The following GREB1L variants were observed in gnomAD, a reference collection of about 807,000 sequenced individuals.
GREB1L encodes GREB1 like retinoic acid receptor coactivator.
In GREB1L, 17 loss-of-function variants were observed where a neutral mutation model predicts 200.8. That is an observed-to-expected ratio of 0.08 (90% CI 0.06 to 0.13). GREB1L has a LOEUF of 0.13. Ranked by LOEUF, GREB1L falls within the 10% of genes least tolerant of loss-of-function variation. The probability of loss-of-function intolerance (pLI) is 1.00; values close to 1 mark genes in which losing one functional copy is unlikely to be tolerated. For missense variants in GREB1L, 1,657 were observed against 2,367.7 expected (o/e 0.70, Z 6.23); for synonymous variants, 789 against 893.0 (o/e 0.88, Z 2.08).
rs1460121845 is a variant in GREB1L, at chr18:21,344,350, G to A, written c.-119-21677G>A. Among the ~76,000 whole-genome samples the A allele has an allele frequency of 2.0e-5, 3 of 152,034 alleles. No individual in the cohort carries two copies. In the East Asian group the frequency reaches 5.8e-4, roughly 30 times the overall value. On this transcript the variant is annotated intron_variant, in intron 1 of 32. Transcript: ENST00000424526. ...CGGGAGGTGGAGGTTGCAGTAAGCC[G>A]AGATTGTGTCACTGCACTCCAGCCT...
chr18:21,446,356 G>T (rs886221674), intron 11 of GREB1L, among the ~76,000 whole-genome samples: 2 of 151,966 alleles, frequency 1.3e-5, no homozygotes, highest in Admixed American at 1.3e-4. Flanking sequence ...TTTTAAAATC[G>T]GAGTCTAATT....
At chr18:21,468,869 C>T in intron 15 of GREB1L, 1 of 436,082 alleles carries the variant, frequency 2.3e-6, no homozygotes. Flanking sequence ...TTTGAGTTTT[C>T]TCACAATTAA....
At chr18:21,285,704 A>G (rs2038343961) in intron 1 of GREB1L, among the ~76,000 whole-genome samples, 2 of 152,376 alleles carry the variant, frequency 1.3e-5, no homozygotes, top group South Asian at 2.1e-4. Context: ...TTATTAAAAT[A>G]GTGAATGAAA....
chr18:21,386,740 C>T (rs1343925270), intron 4 of GREB1L, among the ~76,000 whole-genome samples: 1 of 151,000 alleles, frequency 6.6e-6, no homozygotes, highest in Non-Finnish European at 1.5e-5. Context: ...CTCCTGACTT[C>T]GTGATCCGCC....
intron 1 of GREB1L, among the ~76,000 whole-genome samples, chr18:21,306,099 T>C (rs1174826000): frequency 6.6e-6 from 1 of 152,210 alleles, no homozygotes; most frequent in Non-Finnish European, 1.5e-5. Context: ...TACCTGTTTA[T>C]TGTAATTCGC....
chr18:21,496,885 A>G (rs189728685), intron 21 of GREB1L, among the ~76,000 whole-genome samples, 187 bp downstream of exon 21: 2 of 152,324 alleles, frequency 1.3e-5, no homozygotes, highest in East Asian at 3.9e-4. Flanking sequence ...AACAGCCACA[A>G]AATACTTTCC....
At chr18:21,417,218 A>G (rs779303059) in intron 7 of GREB1L, among the ~76,000 whole-genome samples, 46 of 151,976 alleles carry the variant, frequency 3.0e-4, no homozygotes, top group Non-Finnish European at 5.6e-4. Flanking sequence ...CTAGAATTCT[A>G]TACCCAATAA....
chr18:21,273,871 T>A (rs2038118705), intron 1 of GREB1L, among the ~76,000 whole-genome samples: 1 of 152,178 alleles, frequency 6.6e-6, no homozygotes, highest in South Asian at 2.1e-4. Flanking sequence ...GTAAGGCCAC[T>A]GGATCTTTAC....
intron 1 of GREB1L, among the ~76,000 whole-genome samples, chr18:21,278,846 T>TA (rs1233754965): frequency 6.6e-6 from 1 of 152,182 alleles, no homozygotes; most frequent in Non-Finnish European, 1.5e-5. Flanking sequence ...AATGTTTCAT[T>TA]AAGAAAAACT....
chr18:21,379,977 A>G (rs2040236288), intron 2 of GREB1L, among the ~76,000 whole-genome samples: 1 of 152,176 alleles, frequency 6.6e-6, no homozygotes, highest in African/African-American at 2.4e-5. Flanking sequence ...TACATATGCA[A>G]CTTGTAATTG....
intron 1 of GREB1L, among the ~76,000 whole-genome samples, chr18:21,279,431 G>A (rs150008293): frequency 5.3e-5 from 8 of 151,958 alleles, no homozygotes; most frequent in Non-Finnish European, 8.8e-5. Flanking sequence ...CTGTACTTAC[G>A]GATCCCTTCC....
chr18:21,393,568 A>G (rs2040917673), intron 4 of GREB1L, among the ~76,000 whole-genome samples: 1 of 152,092 alleles, frequency 6.6e-6, no homozygotes, highest in Non-Finnish European at 1.5e-5. Flanking sequence ...CTCCGCCTCT[A>G]CAGGTGCCTG....
intron 7 of GREB1L, among the ~76,000 whole-genome samples, chr18:21,427,570 T>C (rs1328343384): frequency 1.3e-5 from 2 of 152,202 alleles, no homozygotes; most frequent in Non-Finnish European, 2.9e-5. Context: ...TTTACACTTC[T>C]TTTGTTCTGT....
chr18:21,525,297 G>A lies in GREB1L; in HGVS notation c.*2476G>A, dbSNP rs1203147083. On this transcript the variant is annotated 3_prime_UTR_variant, in exon 33 of 33. Coordinates refer to ENST00000424526, the MANE Select transcript of GREB1L (RefSeq NM_001142966.3). ...GTAAAATGTTCTTAACCAAAATTTG[G>A]TGAATTTCACTAGTCTACCTCACAT... The A allele has an allele frequency of 6.6e-6, 1 of 152,112 alleles. No individual in the cohort carries two copies. 9.4% of individuals were successfully genotyped at this position (152,112 alleles called of 1,614,324 possible).
chr18:21,265,396 T>TA (rs1187101472), intron 1 of GREB1L, among the ~76,000 whole-genome samples: 1 of 152,132 alleles, frequency 6.6e-6, no homozygotes, highest in Non-Finnish European at 1.5e-5. Flanking sequence ...CCAAATTACA[T>TA]AAAAAACTGA....
intron 1 of GREB1L, among the ~76,000 whole-genome samples, chr18:21,300,780 C>G (rs1338555727): frequency 2.0e-5 from 3 of 152,190 alleles, no homozygotes; most frequent in Non-Finnish European, 4.4e-5. Context: ...CTCCTCACCC[C>G]TTCTTCCCCA....
Position 21,524,483 on chromosome 18 carries a change from G to A in GREB1L, c.*1662G>A, listed in dbSNP as rs1311724628. ...TTAGTACAGCAGAATTTTTGGTAAAGAGGTATGTTTTGAAGCAATTTGGTT... is the reference window on the plus strand; with the variant it reads ...TTAGTACAGCAGAATTTTTGGTAAAAAGGTATGTTTTGAAGCAATTTGGTT... On this transcript the variant is annotated 3_prime_UTR_variant, in exon 33 of 33. Transcript: ENST00000424526. The A allele has an allele frequency of 6.6e-6, 1 of 152,166 alleles. No individual in the cohort carries two copies. 9.4% of individuals were successfully genotyped at this position (152,166 alleles called of 1,614,324 possible).
intron 1 of GREB1L, among the ~76,000 whole-genome samples, chr18:21,258,596 C>T (rs2037839015): frequency 6.6e-6 from 1 of 152,172 alleles, no homozygotes; most frequent in Non-Finnish European, 1.5e-5. Flanking sequence ...GAAATACCAA[C>T]ACAAGACCCA....
intron 32 of GREB1L, among the ~76,000 whole-genome samples, chr18:21,522,229 T>C (rs907836597): frequency 1.3e-5 from 2 of 151,968 alleles, no homozygotes; most frequent in Admixed American, 1.3e-4. Context: ...TCCCAGCACC[T>C]TGGAAGGCCG....
Sources: gnomAD v4.1 joint callset for allele counts (sites outside exome capture counted in the v4.1 genomes callset) on GRCh38, gnomAD v4.1.1 for gene constraint, MANE v1.5 for transcripts, NCBI Gene and HGNC (gene_info 2026-07-23, HGNC 2026-07-21) for gene names.